CDH12: variants seen among roughly 807,000 people sequenced by gnomAD.
CDH12 encodes the protein cadherin-12.
In CDH12, 41 loss-of-function variants were observed where a neutral mutation model predicts 74.1. That is an observed-to-expected ratio of 0.55 (90% CI 0.43 to 0.72). CDH12 has a LOEUF of 0.72. Ranked by LOEUF, CDH12 falls within the 30% of genes least tolerant of loss-of-function variation. The probability of loss-of-function intolerance (pLI) is 0.00; values close to 1 mark genes in which losing one functional copy is unlikely to be tolerated. For synonymous variants in CDH12, 399 were observed against 355.0 expected, an observed-to-expected ratio of 1.12 and a Z score of -1.39; for missense variants, 945 against 977.2, an observed-to-expected ratio of 0.97 and a Z score of 0.44.
intron 1 of CDH12, among the ~76,000 whole-genome samples, chr5:22,839,832 G>C (rs1041505517): frequency 1.3e-5 from 2 of 152,070 alleles, no homozygotes; most frequent in African/African-American, 2.4e-5. Context: ...AAGCATAAAG[G>C]GTAAAGTAGC....
intron 6 of CDH12, among the ~76,000 whole-genome samples, chr5:21,972,973 G>A (rs1756915099): frequency 6.6e-6 from 1 of 151,206 alleles, no homozygotes; most frequent in Admixed American, 6.6e-5. Context: ...AAGCCAAGGT[G>A]GAGGGATCAT....
chr5:22,697,149 C>T (rs897499348), intron 1 of CDH12, among the ~76,000 whole-genome samples: 9 of 152,018 alleles, frequency 5.9e-5, no homozygotes, highest in African/African-American at 2.2e-4. Flanking sequence ...AGTCTTTTTC[C>T]CCTCCCATGA....
chr5:22,047,535 C>A (rs906667326), intron 5 of CDH12, among the ~76,000 whole-genome samples: 1 of 151,892 alleles, frequency 6.6e-6, no homozygotes, highest in Non-Finnish European at 1.5e-5. Flanking sequence ...CACCCCCCCC[C>A]ACATCCATTG....
intron 3 of CDH12, among the ~76,000 whole-genome samples, chr5:22,233,706 G>A (rs186296017): frequency 0.019 from 2,890 of 152,188 alleles, 41 homozygotes; most frequent in Non-Finnish European, 0.028. Context: ...TCAGTGCTAT[G>A]GCTATATTTT....
intron 3 of CDH12, among the ~76,000 whole-genome samples, chr5:22,294,170 T>C (rs953447584): frequency 2.6e-5 from 4 of 151,152 alleles, no homozygotes; most frequent in African/African-American, 9.7e-5. Flanking sequence ...GAGATAGAGA[T>C]AGAAAAGAAT....
chr5:22,671,152 A>C (rs1211783539), intron 1 of CDH12, among the ~76,000 whole-genome samples: 2 of 152,132 alleles, frequency 1.3e-5, no homozygotes, highest in African/African-American at 4.8e-5. Context: ...AATGTATACA[A>C]TTTCACTAGT....
intron 3 of CDH12, among the ~76,000 whole-genome samples, chr5:22,260,251 C>T (rs777797764): frequency 6.6e-6 from 1 of 152,042 alleles, no homozygotes; most frequent in Non-Finnish European, 1.5e-5. Context: ...CACCCATGTG[C>T]ACATGCACAT....
chr5:22,229,835 A>G (rs1168955208), intron 3 of CDH12, among the ~76,000 whole-genome samples: 1 of 152,030 alleles, frequency 6.6e-6, no homozygotes, highest in African/African-American at 2.4e-5. Flanking sequence ...TCTTGAAGCC[A>G]GAGTAGGTGA....
chr5:22,588,918 C>T (rs755097238), intron 1 of CDH12, among the ~76,000 whole-genome samples: 3 of 152,116 alleles, frequency 2.0e-5, no homozygotes, highest in Non-Finnish European at 4.4e-5. Flanking sequence ...TGTAAGATCA[C>T]TCTTATAGGC....
chr5:22,505,439 A>G (rs1259821459), intron 1 of CDH12, 75 bp from the exon 2 acceptor site: 1 of 529,348 alleles, frequency 1.9e-6, no homozygotes, highest in African/African-American at 2.1e-5. Flanking sequence ...ATATTTTTAC[A>G]TTTTCTTAAA....
At chr5:22,105,534 C>T (rs944887692) in intron 4 of CDH12, among the ~76,000 whole-genome samples, 50 of 151,344 alleles carry the variant, frequency 3.3e-4, no homozygotes, top group Non-Finnish European at 5.3e-4. Flanking sequence ...CCTGTCTCTA[C>T]TAAAAATACA....
chr5:22,237,823 G>A (rs890603553), intron 3 of CDH12, among the ~76,000 whole-genome samples: 3 of 152,152 alleles, frequency 2.0e-5, no homozygotes, highest in East Asian at 1.9e-4. Flanking sequence ...ATAGCACCAC[G>A]AGGCCTTGTT....
At position 22,322,391 on chromosome 5, in the gene CDH12, C is replaced by T. The variant is rs572091464; in HGVS notation, c.-333+82866G>A. 5.4e-4 allele frequency among the ~76,000 whole-genome samples: 81 copies of T among 151,142 alleles called. 1 individual carries two copies. The South Asian group carries it at 0.016, about 31-fold the overall frequency. On this transcript the variant is annotated intron_variant, in intron 3 of 14. Transcript: ENST00000382254. ...TAAAAAAAAAAAACATGGTAATCTG[C>T]TTTGATTTAATGTTATTCACAAGAG...
At chr5:22,852,807 A>G (rs1217512155) in intron 1 of CDH12, among the ~76,000 whole-genome samples, 3 of 152,164 alleles carry the variant, frequency 2.0e-5, no homozygotes, top group Non-Finnish European at 2.9e-5. Flanking sequence ...AGGTTAAAAC[A>G]TTTCTTTCCT....
intron 6 of CDH12, among the ~76,000 whole-genome samples, chr5:21,864,558 T>C (rs1238012230): frequency 6.6e-6 from 1 of 152,156 alleles, no homozygotes; most frequent in Non-Finnish European, 1.5e-5. Flanking sequence ...GTCAAATGAA[T>C]TTCTCTTCAT....
At chr5:22,307,526 C>T (rs1738165445) in intron 3 of CDH12, among the ~76,000 whole-genome samples, 1 of 152,098 alleles carries the variant, frequency 6.6e-6, no homozygotes, top group Admixed American at 6.5e-5. Flanking sequence ...CAGTATCATG[C>T]CTGACAAATC....
intron 4 of CDH12, among the ~76,000 whole-genome samples, chr5:22,187,255 A>G (rs1750009960): frequency 6.6e-6 from 1 of 152,136 alleles, no homozygotes; most frequent in Non-Finnish European, 1.5e-5. Context: ...CTGAGGGAAG[A>G]CACTTATCAT....
rs1561209559 is a variant in CDH12 at position 21,816,955 on chromosome 5, T to A, written c.992A>T (p.Lys331Ile). Reference protein sequence around the residue: ...TDEDTQEGVIKLKKPLDFETK... With the variant: ...TDEDTQEGVIILKKPLDFETK... ...CATTTGTCTATATACCTTTTTCAAT[T>A]TGATGACTCCCTCTTGTGTATCCTC... The change falls in exon 9 of 15, where the codon AAA becomes ATA. Residue 331 changes from lysine (K) to isoleucine (I), a missense_variant. Physicochemically the swap from Lys to Ile is moderately radical, Grantham distance 102. Coordinates refer to ENST00000382254, the MANE Select transcript of CDH12 (RefSeq NM_004061.5). The A allele has an allele frequency of 1.9e-6, 3 of 1,603,296 alleles. No individual in the cohort carries two copies. In the African/African-American group the frequency reaches 4.0e-5, roughly 22 times the overall value.
chr5:22,466,174 T>G (rs1745720348), intron 2 of CDH12, among the ~76,000 whole-genome samples: 1 of 152,242 alleles, frequency 6.6e-6, no homozygotes, highest in South Asian at 2.1e-4. Flanking sequence ...CTTGGCCAGA[T>G]GTTGATAACC....
Sources: gnomAD v4.1 joint callset for allele counts (sites outside exome capture counted in the v4.1 genomes callset) on GRCh38, gnomAD v4.1.1 for gene constraint, MANE v1.5 for transcripts, NCBI Gene and HGNC (gene_info 2026-07-23, HGNC 2026-07-21) for gene names.